Variants in STK35 observed in about 807,000 individuals in gnomAD.
STK35 encodes the protein serine/threonine-protein kinase 35.
Under a neutral mutation model 37.3 loss-of-function variants are expected in STK35, and 17 were observed. The ratio of observed to expected loss-of-function variants is 0.46; its 90% CI spans 0.31 to 0.68. STK35 has a LOEUF of 0.68. Among genes scored for constraint, STK35 ranks in the 30% least tolerant of loss-of-function variants. STK35 has a pLI of 0.05. For missense variants in STK35, 595 were observed against 746.7 expected (o/e 0.80, Z 2.37); for synonymous variants, 385 against 319.1 (o/e 1.21, Z -2.20).
At chr20:2,109,308 A>G (rs530743081) in intron 2 of STK35, among the ~76,000 whole-genome samples, 12 of 152,360 alleles carry the variant, frequency 7.9e-5, no homozygotes, top group Admixed American at 2.0e-4. Context: ...AGGCCCATGC[A>G]TATGGAGAGA....
chr20:2,118,065 T>A (rs1283997753), intron 3 of STK35, among the ~76,000 whole-genome samples: 1 of 152,232 alleles, frequency 6.6e-6, no homozygotes, highest in Non-Finnish European at 1.5e-5. Flanking sequence ...ACACTATCTC[T>A]GATTGTATCC....
chr20:2,101,894 G>C lies in STK35; in HGVS notation c.13G>C (p.Glu5Gln), dbSNP rs902111196. 1.7e-5 allele frequency: 25 copies of C among 1,445,466 alleles called. No individual in the cohort carries two copies. The highest frequency in any genetic ancestry group is 2.9e-5 in the African/African-American group (2 of 68,168). 89.5% of individuals were successfully genotyped at this position (1,445,466 alleles called of 1,614,324 possible). Residue 5 changes from glutamate to glutamine, a missense_variant, in exon 1 of 4, where the codon GAG (glutamate) becomes CAG (glutamine). This residue lies in a region of STK35 where 389 missense variants were observed against 320.0 expected (regional missense o/e 1.22). Coordinates refer to ENST00000381482, the MANE Select transcript of STK35 (RefSeq NM_080836.4). ...GGCGTCCCGGGGGATGGGCCACCAG[G>C]AGTCTCCGCTGGCCCGGGCGCCGGC... MGHQ[E>Q]SPLARAPAGG...
chr20:2,128,805 C>T (rs1286104989), intron 3 of STK35, among the ~76,000 whole-genome samples: 2 of 152,028 alleles, frequency 1.3e-5, no homozygotes, highest in Non-Finnish European at 2.9e-5. Flanking sequence ...GGAAGCCCCC[C>T]GAGGTACAGG....
chr20:2,102,623 C>T (rs1299492173), intron 1 of STK35, 145 bp from the exon 2 acceptor site: 1 of 713,534 alleles, frequency 1.4e-6, no homozygotes, highest in Non-Finnish European at 2.0e-6. Context: ...GCTTTCCCCT[C>T]CCCTCCCCCG....
intron 1 of STK35, 139 bp downstream of exon 1, chr20:2,102,314 C>T (rs1985408827): frequency 2.5e-6 from 3 of 1,191,010 alleles, no homozygotes; most frequent in Admixed American, 3.4e-5. Flanking sequence ...CCCTTCTACC[C>T]GTCGCCCTCG....
chr20:2,136,291 T>G (rs1187281982), intron 3 of STK35, among the ~76,000 whole-genome samples: 1 of 152,212 alleles, frequency 6.6e-6, no homozygotes, highest in Non-Finnish European at 1.5e-5. Context: ...GCCCCCTGGT[T>G]GTGTAACTGA....
At chr20:2,129,017 G>A (rs1397372365) in intron 3 of STK35, among the ~76,000 whole-genome samples, 2 of 152,060 alleles carry the variant, frequency 1.3e-5, no homozygotes, top group Non-Finnish European at 2.9e-5. Flanking sequence ...TAGAGACAGG[G>A]TTTCACCATG....
intron 3 of STK35, among the ~76,000 whole-genome samples, chr20:2,141,248 G>C (rs543850095): frequency 1.3e-5 from 2 of 152,304 alleles, no homozygotes; most frequent in South Asian, 4.1e-4. Context: ...TGTTTATGAT[G>C]ATTTTCTTTT....
At chr20:2,103,524 CCT>C (rs1985451024) in intron 2 of STK35, among the ~76,000 whole-genome samples, 159 bp downstream of exon 2, 1 of 152,144 alleles carries the variant, frequency 6.6e-6, no homozygotes, top group African/African-American at 2.4e-5. Context: ...GGCATTCGGC[CCT>C]CTCTTCTCAG....
chr20:2,122,840 A>C (rs953263287), intron 3 of STK35, among the ~76,000 whole-genome samples: 2 of 152,222 alleles, frequency 1.3e-5, no homozygotes, highest in Non-Finnish European at 2.9e-5. Context: ...ATTGCCAAAT[A>C]GCTTTTCTTT....
At chr20:2,115,047 A>G (rs1985690064) in intron 2 of STK35, among the ~76,000 whole-genome samples, 1 of 152,244 alleles carries the variant, frequency 6.6e-6, no homozygotes, top group Admixed American at 6.5e-5. Context: ...GAGAGGGGAA[A>G]TAACTGATTT....
At chr20:2,124,593 G>C (rs1985872718) in intron 3 of STK35, among the ~76,000 whole-genome samples, 1 of 152,164 alleles carries the variant, frequency 6.6e-6, no homozygotes. Flanking sequence ...GAGGTTCTTT[G>C]AGTCCCTGCC....
chr20:2,146,996 G>A lies in STK35; in HGVS notation c.*3250G>A, dbSNP rs1986281792. The A allele has an allele frequency of 6.6e-6, 1 of 152,646 alleles. No individual in the cohort carries two copies. The highest frequency in any genetic ancestry group is 2.1e-4 in the South Asian group (1 of 4,832). The allele number at this position is 152,646 out of a possible 1,614,324, so 9.5% of individuals were successfully genotyped here. On this transcript the variant is annotated 3_prime_UTR_variant, in exon 4 of 4. Coordinates refer to ENST00000381482, the MANE Select transcript of STK35 (RefSeq NM_080836.4). ...AATGGGAATTTTTTTCCTCCCACCT[G>A]GACATAGTTTGCCCCTGTGGCTGCC...
intron 3 of STK35, among the ~76,000 whole-genome samples, chr20:2,135,359 G>T (rs910951042): frequency 6.6e-6 from 1 of 152,186 alleles, no homozygotes; most frequent in Non-Finnish European, 1.5e-5. Context: ...GGGGCTGGTG[G>T]TGCTCAGTTC....
At chr20:2,105,669 T>TG (rs1028490593) in intron 2 of STK35, among the ~76,000 whole-genome samples, 59 of 152,022 alleles carry the variant, frequency 3.9e-4, no homozygotes, top group African/African-American at 1.4e-3. Context: ...AAACTGTTAA[T>TG]GTCAGCAAGT....
intron 3 of STK35, among the ~76,000 whole-genome samples, chr20:2,120,532 T>C (rs1160087646): frequency 6.6e-6 from 1 of 152,216 alleles, no homozygotes; most frequent in Non-Finnish European, 1.5e-5. Context: ...CCAAACCCTG[T>C]GTTGCCAGAA....
intron 3 of STK35, among the ~76,000 whole-genome samples, chr20:2,128,201 C>T (rs1182719643): frequency 2.0e-5 from 3 of 152,196 alleles, no homozygotes; most frequent in African/African-American, 7.2e-5. Flanking sequence ...ACAAAAGCTT[C>T]AGAACTGCTC....
intron 2 of STK35, among the ~76,000 whole-genome samples, chr20:2,108,902 T>C (rs1337100192): frequency 6.6e-6 from 1 of 152,200 alleles, no homozygotes; most frequent in Non-Finnish European, 1.5e-5. Flanking sequence ...CTAGGAACCC[T>C]CCTTAGTGAC....
At chr20:2,103,441 T>A in intron 2 of STK35, 76 bp downstream of exon 2, 1 of 1,410,794 alleles carries the variant, frequency 7.1e-7, no homozygotes, top group Non-Finnish European at 9.6e-7. Flanking sequence ...CCCACACTGT[T>A]CCTGGCCTTC....
Sources: allele counts gnomAD v4.1 joint callset (sites outside exome capture counted in the v4.1 genomes callset), GRCh38; gene constraint gnomAD v4.1.1; regional missense constraint gnomAD v4.1.1; transcripts MANE v1.5; gene names NCBI Gene and HGNC (gene_info 2026-07-23, HGNC 2026-07-21).